The following ANKRD31 variants were observed in gnomAD, a reference collection of about 807,000 sequenced individuals.
The protein encoded by ANKRD31 is ankyrin repeat domain-containing protein 31.
ANKRD31 carries 147 observed loss-of-function variants against 186.0 expected under a neutral mutation model. The observed-to-expected ratio is 0.79, with a 90% CI of 0.69 to 0.91. The LOEUF is 0.91. ANKRD31 is among the 40% of genes least tolerant of loss of function. ANKRD31 has a pLI of 0.00. For missense variants in ANKRD31, 1,986 were observed against 2,148.8 expected, an observed-to-expected ratio of 0.92 and a Z score of 1.50; for synonymous variants, 673 against 736.4, an observed-to-expected ratio of 0.91 and a Z score of 1.39.
chr5:75,169,551 T>C (rs1436615669), intron 10 of ANKRD31, among the ~76,000 whole-genome samples: 1 of 152,198 alleles, frequency 6.6e-6, no homozygotes, highest in Admixed American at 6.5e-5. Context: ...AAAGGATATA[T>C]TCATTTTTTC....
Position 75,104,980 on chromosome 5 carries a change from GAT to G in ANKRD31, c.4577_4578del (p.His1526ProfsTer47). 1.3e-6 allele frequency: 2 copies of G among 1,537,008 alleles called. No homozygotes were observed. Among genetic ancestry groups the G allele is most frequent in the Non-Finnish European group, 1.7e-6 (2 of 1,146,866 alleles). Reference sequence around the variant, plus strand: ...ACAGGAGAAAGTGAACCTGATTGGGGATGCTCTAAATTTTCCAGACTAGTGAG... The same window carrying G: ...ACAGGAGAAAGTGAACCTGATTGGGGGCTCTAAATTTTCCAGACTAGTGAG... ...QELTSLENLE[H>X]PQSGSLSPVS... On this transcript the variant is annotated frameshift_variant, in exon 22 of 26. Coordinates refer to ENST00000506364, the MANE Select transcript of ANKRD31 (RefSeq NM_001372053.1). LOFTEE classifies it high-confidence loss of function.
intron 5 of ANKRD31, among the ~76,000 whole-genome samples, chr5:75,199,926 T>C (rs1050723255): frequency 2.0e-5 from 3 of 152,332 alleles, no homozygotes; most frequent in South Asian, 4.1e-4. Flanking sequence ...TTATTTTAGC[T>C]AAAAACCAAG....
Position 75,192,696 on chromosome 5 carries a change from C to T in ANKRD31, c.1379G>A (p.Arg460Lys). Residue 460 changes from arginine (R) to lysine (K), a missense_variant, in exon 9 of 26, where the codon AGG becomes AAG. By Grantham distance (26) the Arg-to-Lys change is conservative (BLOSUM62 2). Coordinates refer to ENST00000506364, the MANE Select transcript of ANKRD31 (RefSeq NM_001372053.1). Reference protein sequence around the residue: ...SARFKNGKQIRKNEQFSGKKE... With the variant: ...SARFKNGKQIKKNEQFSGKKE... The stretch of plus-strand genomic sequence containing the variant: ...TTTTCCTGAAAATTGTTCATTTTTC[C>T]TGATCTGTTTTCCATTCTTGAACCT... 6.5e-7 allele frequency: 1 copy of T among 1,532,912 alleles called. No homozygotes were observed. Among genetic ancestry groups the T allele is most frequent in the Non-Finnish European group, 8.7e-7 (1 of 1,144,884 alleles). The allele number at this position is 1,532,912 out of a possible 1,614,324, so 95.0% of individuals were successfully genotyped here.
intron 3 of ANKRD31, among the ~76,000 whole-genome samples, chr5:75,220,705 G>A (rs1757241742): frequency 6.6e-6 from 1 of 151,252 alleles, no homozygotes; most frequent in Non-Finnish European, 1.5e-5. Context: ...ACATATACGT[G>A]GCCAACAAGC....
At chr5:75,118,342 G>A (rs1748466477) in intron 17 of ANKRD31, 45 bp from the exon 18 acceptor site, 32 of 1,327,372 alleles carry the variant, frequency 2.4e-5, no homozygotes, top group Non-Finnish European at 2.6e-5. Context: ...CACCAAAGAT[G>A]AATAATTTCT....
At chr5:75,113,264 C>G (rs1747926075) in intron 19 of ANKRD31, among the ~76,000 whole-genome samples, 1 of 152,136 alleles carries the variant, frequency 6.6e-6, no homozygotes, top group Admixed American at 6.5e-5. Flanking sequence ...AATTCTATAA[C>G]ACATGAAAAT....
chr5:75,160,096 TATCTC>T (rs1433977916), intron 11 of ANKRD31, among the ~76,000 whole-genome samples: 1 of 152,100 alleles, frequency 6.6e-6, no homozygotes, highest in Non-Finnish European at 1.5e-5. Flanking sequence ...TTGCTCTTCT[TATCTC>T]AGCTTCTTTA....
In ANKRD31 at chr5:75,219,846, A is replaced by G. The variant is rs550133137; in HGVS notation, c.288+2403T>C. On this transcript the variant is annotated intron_variant, in intron 3 of 25. Transcript: ENST00000506364. ...CCAGAAATACAGCTACACATCTATG[A>G]CCATCTGATCTTTGGCAAAGCTGAC... is the stretch of plus-strand genomic sequence containing the variant. Among the ~76,000 whole-genome samples the G allele has an allele frequency of 2.0e-5, 3 of 152,298 alleles. No homozygotes were observed. The South Asian group carries it at 6.2e-4, about 32-fold the overall frequency.
chr5:75,183,339 TC>T (rs1451146292), intron 10 of ANKRD31, among the ~76,000 whole-genome samples: 1 of 152,100 alleles, frequency 6.6e-6, no homozygotes, highest in East Asian at 1.9e-4. Flanking sequence ...TGAAAGTTTT[TC>T]CTTTAAGATC....
chr5:75,181,116 C>T (rs1754256997), intron 10 of ANKRD31, among the ~76,000 whole-genome samples: 1 of 151,674 alleles, frequency 6.6e-6, no homozygotes, highest in South Asian at 2.1e-4. Flanking sequence ...TTTATGCAGC[C>T]AAAAAACACA....
chr5:75,162,103 C>T (rs1414026673), intron 11 of ANKRD31, among the ~76,000 whole-genome samples: 2 of 152,146 alleles, frequency 1.3e-5, no homozygotes, highest in East Asian at 3.9e-4. Context: ...TCCTCCAGAC[C>T]CCAGAATGGT....
At position 75,185,157 on chromosome 5, in the gene ANKRD31, A is replaced by G. The variant is rs143158192; in HGVS notation, c.1564+3336T>C. 1.5e-4 allele frequency among the ~76,000 whole-genome samples: 23 copies of G among 152,332 alleles called. No individual in the cohort carries two copies. In the East Asian group the frequency reaches 4.4e-3, roughly 29 times the overall value. ...TCTTACTCATATGCAGAATCTAAAAAGTTGATCCTAAGAAACAGTGAATAG... is the reference window on the plus strand; with the variant it reads ...TCTTACTCATATGCAGAATCTAAAAGGTTGATCCTAAGAAACAGTGAATAG... On this transcript the variant is annotated intron_variant, in intron 10 of 25. Transcript: ENST00000506364.
chr5:75,110,574 G>A (rs1193438409), intron 20 of ANKRD31, among the ~76,000 whole-genome samples: 1 of 151,486 alleles, frequency 6.6e-6, no homozygotes, highest in Admixed American at 6.6e-5. Context: ...GCTGGGCATG[G>A]TGCATGCGCC....
chr5:75,193,683 A>T (rs1755273187), intron 7 of ANKRD31, 92 bp from the exon 8 acceptor site: 1 of 1,180,020 alleles, frequency 8.5e-7, no homozygotes, highest in Admixed American at 2.8e-5. Context: ...CCTTTGCTTA[A>T]ATTAAAATGC....
intron 4 of ANKRD31, among the ~76,000 whole-genome samples, chr5:75,210,616 A>C (rs1047800111): frequency 6.6e-6 from 1 of 152,228 alleles, no homozygotes; most frequent in Non-Finnish European, 1.5e-5. Flanking sequence ...CTTTTAAAAT[A>C]ATAGAGAACC....
rs1749765116 is a variant in ANKRD31, at chr5:75,131,099, CCCAGAA to C, written c.3876+6751_3876+6756del. On this transcript the variant is annotated intron_variant, in intron 17 of 25. Coordinates refer to ENST00000506364, the MANE Select transcript of ANKRD31 (RefSeq NM_001372053.1). ...GCAGGGTCCACCGAGCCCACACCCACCCAGAACCAGCACCGGCCCGTGAGCACCACA... is the reference window on the plus strand; with the variant it reads ...GCAGGGTCCACCGAGCCCACACCCACCCAGCACCGGCCCGTGAGCACCACA... Among the ~76,000 whole-genome samples, 6 of 152,330 alleles carry C rather than the reference CCCAGAA, an allele frequency of 3.9e-5. No individual in the cohort carries two copies. In the South Asian group the frequency reaches 1.2e-3, roughly 32 times the overall value.
At chr5:75,148,711 C>T (rs960034102) in intron 12 of ANKRD31, 83 bp from the exon 13 acceptor site, 8 of 986,556 alleles carry the variant, frequency 8.1e-6, no homozygotes, top group African/African-American at 5.0e-5. Context: ...TCCTTTGCCA[C>T]GAGAAAACCA....
chr5:75,178,492 C>T (rs1754005347), intron 10 of ANKRD31, among the ~76,000 whole-genome samples: 1 of 152,166 alleles, frequency 6.6e-6, no homozygotes, highest in South Asian at 2.1e-4. Context: ...AAGTAAAGCA[C>T]TCCTCAGCAG....
At chr5:75,177,242 C>G (rs952439202) in intron 10 of ANKRD31, among the ~76,000 whole-genome samples, 3 of 151,852 alleles carry the variant, frequency 2.0e-5, no homozygotes, top group Admixed American at 2.0e-4. Context: ...GTGAAAAGAC[C>G]AAATCTACGT....
Sources: gnomAD v4.1 joint callset for allele counts (sites outside exome capture counted in the v4.1 genomes callset) on GRCh38, gnomAD v4.1.1 for gene constraint, MANE v1.5 for transcripts, NCBI Gene and HGNC (gene_info 2026-07-23, HGNC 2026-07-21) for gene names.